The following OTUD7A variants were observed in gnomAD, a reference collection of about 807,000 sequenced individuals.
OTUD7A encodes OTU domain-containing protein 7A.
OTUD7A carries 12 observed loss-of-function variants against 65.7 expected under a neutral mutation model. That is an observed-to-expected ratio of 0.18 (90% CI 0.12 to 0.30). The LOEUF is 0.30. Among genes scored for constraint, OTUD7A ranks in the 10% least tolerant of loss-of-function variants. The pLI is 1.00. For synonymous variants in OTUD7A, 641 were observed against 586.3 expected (o/e 1.09, Z -1.35); for missense variants, 1,148 against 1,304.8 (o/e 0.88, Z 1.85).
Position 31,529,215 on chromosome 15 carries a change from T to C in OTUD7A, c.652+1492A>G, listed in dbSNP as rs1267969711. ...TGACACAGATGAGAGATTTATTCTT[T>C]TAGATTCTTTCTCCAGGTTTTAGAA... On this transcript the variant is annotated intron_variant, in intron 6 of 12. Transcript: ENST00000307050. Among the ~76,000 whole-genome samples the C allele has an allele frequency of 1.3e-5, 2 of 151,964 alleles. 1 individual carries two copies. The highest frequency in any genetic ancestry group is 4.8e-5 in the African/African-American group (2 of 41,450).
At chr15:31,859,347 C>T (rs1897660200) in intron 1 of OTUD7A, among the ~76,000 whole-genome samples, 1 of 152,208 alleles carries the variant, frequency 6.6e-6, no homozygotes, top group African/African-American at 2.4e-5. Flanking sequence ...AAAAACACTT[C>T]AACTCTACTT....
intron 1 of OTUD7A, among the ~76,000 whole-genome samples, chr15:31,681,394 A>T (rs186715620): frequency 4.1e-3 from 628 of 152,050 alleles, no homozygotes; most frequent in Non-Finnish European, 7.0e-3. Context: ...TTTGTGCTAT[A>T]TATCTGTCTA....
chr15:31,588,113 G>A (rs559469838), intron 3 of OTUD7A, among the ~76,000 whole-genome samples: 1 of 152,150 alleles, frequency 6.6e-6, no homozygotes, highest in East Asian at 1.9e-4. Context: ...CAGCACAAAA[G>A]AGAAACAAGT....
At position 31,478,625 on chromosome 15, in the gene OTUD7A, A is replaced by AT. The variant is rs2041062839; in HGVS notation, c.*4668dup. 6.6e-6 allele frequency: 1 copy of AT among 152,210 alleles called. No homozygotes were observed. The highest frequency in any genetic ancestry group is 2.4e-5 in the African/African-American group (1 of 41,452). The allele number at this position is 152,210 out of a possible 1,614,324, so 9.4% of individuals were successfully genotyped here. A position where few individuals can be genotyped will look rare whatever the true frequency, so the allele number is the denominator to read the frequency against. ...GTTCTTCATACTGCACAGACTGCAC[A>AT]TAACTGTTGTTCCCAAGGGGTCCCT... is the stretch of plus-strand genomic sequence containing the variant. On this transcript the variant is annotated 3_prime_UTR_variant, in exon 13 of 13. Coordinates refer to ENST00000307050, the MANE Select transcript of OTUD7A (RefSeq NM_001382637.1).
In OTUD7A at chr15:31,768,928, C is replaced by T. The variant is rs1006616812; in HGVS notation, c.-100+101579G>A. On this transcript the variant is annotated intron_variant, in intron 1 of 12. Coordinates refer to ENST00000307050, the MANE Select transcript of OTUD7A (RefSeq NM_001382637.1). Reference sequence around the variant, plus strand: ...AGAATACTAAAAAAATTCAAGCATCCCAAAGATAGGAAAGGGGAAACAGGT... The same window carrying T: ...AGAATACTAAAAAAATTCAAGCATCTCAAAGATAGGAAAGGGGAAACAGGT... Among the ~76,000 whole-genome samples the T allele has an allele frequency of 7.2e-5, 11 of 151,748 alleles. No individual in the cohort carries two copies. The South Asian group carries it at 8.4e-4, about 12-fold the overall frequency.
At chr15:31,675,423 C>T (rs1467814320) in intron 1 of OTUD7A, among the ~76,000 whole-genome samples, 4 of 152,154 alleles carry the variant, frequency 2.6e-5, no homozygotes, top group Non-Finnish European at 2.9e-5. Flanking sequence ...CATGCCAATA[C>T]ACTATCTTAA....
intron 3 of OTUD7A, among the ~76,000 whole-genome samples, chr15:31,596,305 A>G (rs560281699): frequency 6.6e-6 from 1 of 152,300 alleles, no homozygotes; most frequent in Non-Finnish European, 1.5e-5. Context: ...GTGTTGCAGC[A>G]TGCATCAGTA....
At chr15:31,844,373 T>G in intron 1 of OTUD7A, among the ~76,000 whole-genome samples, 1 of 152,254 alleles carries the variant, frequency 6.6e-6, no homozygotes. Flanking sequence ...GGCGCACGCC[T>G]GTAATCCCAG....
intron 1 of OTUD7A, among the ~76,000 whole-genome samples, chr15:31,801,523 G>A (rs969939816): frequency 2.0e-5 from 3 of 152,132 alleles, no homozygotes; most frequent in African/African-American, 7.2e-5. Context: ...CAGATACAGA[G>A]GCATTTTCTC....
intron 1 of OTUD7A, among the ~76,000 whole-genome samples, chr15:31,774,473 G>A (rs1895318749): frequency 6.6e-6 from 1 of 152,220 alleles, no homozygotes; most frequent in Admixed American, 6.5e-5. Context: ...CAGCCCAGAA[G>A]GAAAGTGAAT....
chr15:31,658,856 C>T (rs1288716247), intron 1 of OTUD7A, among the ~76,000 whole-genome samples: 4 of 149,294 alleles, frequency 2.7e-5, no homozygotes, highest in Non-Finnish European at 5.9e-5. Flanking sequence ...GGTGAAACCC[C>T]GTCTCTACTA....
intron 1 of OTUD7A, among the ~76,000 whole-genome samples, chr15:31,869,424 T>TAC (rs1272772423): frequency 6.6e-6 from 1 of 152,228 alleles, no homozygotes; most frequent in Admixed American, 6.5e-5. Context: ...TGTAAAGATT[T>TAC]AGGCCCCGCT....
Position 31,504,375 on chromosome 15 carries a change from T to C in OTUD7A, c.894-557A>G, listed in dbSNP as rs533627189. ...AGAGCTGGAGGGGATGCGATGTGAA[T>C]GTGCAGCCCAGGTGGCCCAGACCCT... On this transcript the variant is annotated intron_variant, in intron 8 of 12. Coordinates refer to ENST00000307050, the MANE Select transcript of OTUD7A (RefSeq NM_001382637.1). Among the ~76,000 whole-genome samples, 206 of 152,230 alleles carry C rather than the reference T, an allele frequency of 1.4e-3. 1 individual carries two copies. Among genetic ancestry groups the C allele is most frequent in the Non-Finnish European group, 2.4e-3 (166 of 67,990 alleles).
intron 1 of OTUD7A, among the ~76,000 whole-genome samples, chr15:31,718,726 C>G (rs1039582131): frequency 7.5e-6 from 1 of 132,856 alleles, no homozygotes; most frequent in Non-Finnish European, 1.7e-5. Flanking sequence ...TTCTAATGTT[C>G]CCGTCCCAAA....
At chr15:31,783,254 G>A (rs902496659) in intron 1 of OTUD7A, among the ~76,000 whole-genome samples, 3 of 152,198 alleles carry the variant, frequency 2.0e-5, no homozygotes, top group African/African-American at 4.8e-5. Flanking sequence ...ACCAATACTT[G>A]CTGCTGAAGG....
At chr15:31,559,628 ACATG>A (rs1330244030) in intron 4 of OTUD7A, among the ~76,000 whole-genome samples, 2 of 151,332 alleles carry the variant, frequency 1.3e-5, no homozygotes, top group African/African-American at 4.9e-5. Context: ...GCATACACAT[ACATG>A]CATGCAGACA....
chr15:31,610,609 A>ATTTT (rs1566942812), intron 3 of OTUD7A, among the ~76,000 whole-genome samples: 2 of 39,784 alleles, frequency 5.0e-5, no homozygotes, highest in Non-Finnish European at 4.5e-5. Flanking sequence ...ATATATATAT[A>ATTTT]TATATATATT....
chr15:31,678,901 G>A (rs533023480), intron 1 of OTUD7A, among the ~76,000 whole-genome samples: 5 of 152,302 alleles, frequency 3.3e-5, no homozygotes, highest in African/African-American at 1.2e-4. Flanking sequence ...CCAACAGCTT[G>A]TACTGTGCAC....
At chr15:31,834,771 T>G (rs1031718810) in intron 1 of OTUD7A, among the ~76,000 whole-genome samples, 1 of 152,220 alleles carries the variant, frequency 6.6e-6, no homozygotes, top group African/African-American at 2.4e-5. Flanking sequence ...CCAGGAAGTA[T>G]GTAAAAGTGG....
Sources: allele counts gnomAD v4.1 joint callset (sites outside exome capture counted in the v4.1 genomes callset), GRCh38; gene constraint gnomAD v4.1.1; transcripts MANE v1.5; gene names NCBI Gene and HGNC (gene_info 2026-07-23, HGNC 2026-07-21).